Variants in PPP1R1C observed in about 807,000 individuals in gnomAD.
PPP1R1C encodes protein phosphatase 1 regulatory inhibitor subunit 1C.
PPP1R1C carries 15 observed loss-of-function variants against 17.4 expected under a neutral mutation model. The observed-to-expected ratio is 0.86, with a 90% CI of 0.58 to 1.33. PPP1R1C has a LOEUF of 1.33. Ranked by LOEUF, PPP1R1C falls within the 40% of genes most tolerant of loss-of-function variation. PPP1R1C has a pLI of 0.00. For missense variants in PPP1R1C, 143 were observed against 130.0 expected (o/e 1.10, Z -0.48); for synonymous variants, 35 against 43.1 (o/e 0.81, Z 0.73).
chr2:181,975,847 T>C (rs988468550), intron 2 of PPP1R1C, among the ~76,000 whole-genome samples: 3 of 151,990 alleles, frequency 2.0e-5, no homozygotes, highest in Non-Finnish European at 4.4e-5. Flanking sequence ...GGGAGGTAAA[T>C]TCAATATGAT....
In PPP1R1C at chr2:182,093,164, T is replaced by C. The variant is rs183128777; in HGVS notation, c.242-24043T>C. 7.2e-5 allele frequency among the ~76,000 whole-genome samples: 11 copies of C among 152,306 alleles called. No individual in the cohort carries two copies. The East Asian group carries it at 1.9e-3, about 27-fold the overall frequency. ...AGGTTCCCAAACCACAATTCTTGAC[T>C]TCTGTACACTATCAGGCTCAACACC... On this transcript the variant is annotated intron_variant, in intron 4 of 4. Transcript: ENST00000682840.
At chr2:182,039,309 C>T (rs1687109980) in intron 2 of PPP1R1C, among the ~76,000 whole-genome samples, 1 of 152,084 alleles carries the variant, frequency 6.6e-6, no homozygotes. Flanking sequence ...AATGGTACTG[C>T]TCAAACCAGC....
At chr2:182,110,912 C>A (rs1689398197) in intron 4 of PPP1R1C, among the ~76,000 whole-genome samples, 1 of 151,922 alleles carries the variant, frequency 6.6e-6, no homozygotes, top group African/African-American at 2.4e-5. Context: ...GCATTAGCTT[C>A]AGAAGAAAAA....
chr2:182,039,621 G>T (rs974758147), intron 2 of PPP1R1C, among the ~76,000 whole-genome samples: 1 of 152,146 alleles, frequency 6.6e-6, no homozygotes, highest in East Asian at 1.9e-4. Flanking sequence ...CCAGGCTTAA[G>T]TGATCCTCCC....
intron 4 of PPP1R1C, among the ~76,000 whole-genome samples, chr2:182,091,835 G>A (rs929134476): frequency 6.6e-6 from 1 of 151,922 alleles, no homozygotes; most frequent in African/African-American, 2.4e-5. Flanking sequence ...TCTCCTTTGG[G>A]ATATTCTCAT....
At chr2:181,993,713 G>T (rs904411547) in intron 2 of PPP1R1C, among the ~76,000 whole-genome samples, 2 of 152,054 alleles carry the variant, frequency 1.3e-5, no homozygotes, top group African/African-American at 4.8e-5. Flanking sequence ...TACACATGTG[G>T]CTTTCAGTGA....
At chr2:182,067,087 T>C (rs1247708066) in intron 4 of PPP1R1C, among the ~76,000 whole-genome samples, 4 of 152,098 alleles carry the variant, frequency 2.6e-5, no homozygotes, top group Non-Finnish European at 5.9e-5. Context: ...AGCAGCTGAC[T>C]TAAAAATGAC....
At chr2:182,119,568 T>C (rs1279655196), downstream of PPP1R1C, among the ~76,000 whole-genome samples, 1 of 152,208 alleles carries the variant, frequency 6.6e-6, no homozygotes, top group African/African-American at 2.4e-5. Flanking sequence ...CCAGCACCTG[T>C]TGTTTCCTGA....
chr2:182,025,282 T>A (rs1221425696), intron 2 of PPP1R1C, among the ~76,000 whole-genome samples: 1 of 145,966 alleles, frequency 6.9e-6, no homozygotes, highest in Non-Finnish European at 1.5e-5. Context: ...TATGTATACA[T>A]GTGCCATGCT....
intron 4 of PPP1R1C, among the ~76,000 whole-genome samples, chr2:182,096,760 T>A (rs1313789488): frequency 6.6e-6 from 1 of 152,166 alleles, no homozygotes; most frequent in Non-Finnish European, 1.5e-5. Context: ...AAACCCTGAT[T>A]CCTGTCCTAA....
At chr2:181,975,124 T>C (rs1349784567) in intron 1 of PPP1R1C, 2 of 151,730 alleles carry the variant, frequency 1.3e-5, no homozygotes, top group African/African-American at 4.8e-5. Context: ...GTAATTTAGA[T>C]CAGTGTTCCT....
At chr2:181,991,574 A>G (rs181478227) in intron 2 of PPP1R1C, among the ~76,000 whole-genome samples, 1 of 152,310 alleles carries the variant, frequency 6.6e-6, no homozygotes, top group East Asian at 1.9e-4. Flanking sequence ...TGCTCCTAGG[A>G]ATAACTCTCA....
At chr2:182,050,743 G>A (rs997392377) in intron 2 of PPP1R1C, among the ~76,000 whole-genome samples, 1 of 151,844 alleles carries the variant, frequency 6.6e-6, no homozygotes, top group Non-Finnish European at 1.5e-5. Flanking sequence ...CTTAAACTTC[G>A]GCAAAAAGCA....
rs527375208 is a variant in PPP1R1C, at chr2:182,017,248, T to C, written c.142+29349T>C. 4.2e-4 allele frequency among the ~76,000 whole-genome samples: 64 copies of C among 152,202 alleles called. No individual in the cohort carries two copies. In the South Asian group the frequency reaches 0.013, roughly 30 times the overall value. On this transcript the variant is annotated intron_variant, in intron 2 of 4. Coordinates refer to ENST00000682840, the MANE Select transcript of PPP1R1C (RefSeq NM_001080545.3). Reference sequence around the variant, plus strand: ...CTGGAAACACACTCATATATGTATGTATATATATAATCAAAATTTATCAAT... The same window carrying C: ...CTGGAAACACACTCATATATGTATGCATATATATAATCAAAATTTATCAAT...
chr2:182,010,278 T>G (rs1285806366), intron 2 of PPP1R1C, among the ~76,000 whole-genome samples: 2 of 152,100 alleles, frequency 1.3e-5, no homozygotes, highest in African/African-American at 4.8e-5. Context: ...TGCATTTTTT[T>G]GTGTCCTTTT....
chr2:182,000,726 G>A (rs1685737536), intron 2 of PPP1R1C, among the ~76,000 whole-genome samples: 1 of 152,154 alleles, frequency 6.6e-6, no homozygotes, highest in Non-Finnish European at 1.5e-5. Context: ...AACAAGGCAG[G>A]TTAAGCTTGG....
intron 2 of PPP1R1C, among the ~76,000 whole-genome samples, chr2:181,995,857 G>A (rs974075896): frequency 1.3e-5 from 2 of 150,938 alleles, no homozygotes; most frequent in Non-Finnish European, 2.9e-5. Context: ...GTAGTGATCT[G>A]ACACAGTTTC....
downstream of PPP1R1C, chr2:182,131,126 A>T (rs902250883): frequency 6.6e-6 from 1 of 152,172 alleles, no homozygotes; most frequent in African/African-American, 2.4e-5. Context: ...TCTGGGGAAA[A>T]TACAGTTGCC....
chr2:182,127,382 AAAATTATTTGGCAGC>A (rs2125243644), intron 5 of PPP1R1C, among the ~76,000 whole-genome samples: 2 of 152,254 alleles, frequency 1.3e-5, no homozygotes, highest in East Asian at 3.9e-4. Context: ...TGTCATGTAG[AAAATTATTTGGCAGC>A]AAATAAAAGA....
Sources: gnomAD v4.1 joint callset for allele counts (sites outside exome capture counted in the v4.1 genomes callset) on GRCh38, gnomAD v4.1.1 for gene constraint, MANE v1.5 for transcripts, NCBI Gene and HGNC (gene_info 2026-07-23, HGNC 2026-07-21) for gene names.